DLG2: variants seen among roughly 807,000 people sequenced by gnomAD.
DLG2 encodes the protein discs large MAGUK scaffold protein 2.
DLG2 carries 45 observed loss-of-function variants against 132.5 expected under a neutral mutation model. That is an observed-to-expected ratio of 0.34 (90% CI 0.27 to 0.44). DLG2 has a LOEUF of 0.44. DLG2 is among the 20% of genes least tolerant of loss of function. The probability of loss-of-function intolerance (pLI) is 1.00; values close to 1 mark genes in which losing one functional copy is unlikely to be tolerated. For missense variants in DLG2, 1,045 were observed against 1,196.9 expected, an observed-to-expected ratio of 0.87 and a Z score of 1.87; for synonymous variants, 424 against 419.6, an observed-to-expected ratio of 1.01 and a Z score of -0.13.
At chr11:84,894,485 C>T (rs901737359) in intron 6 of DLG2, among the ~76,000 whole-genome samples, 1 of 152,062 alleles carries the variant, frequency 6.6e-6, no homozygotes, top group Admixed American at 6.6e-5. Context: ...ATACTCACCA[C>T]ATGTTTACAC....
chr11:83,552,149 G>T (rs983550353), intron 19 of DLG2, among the ~76,000 whole-genome samples: 4 of 152,166 alleles, frequency 2.6e-5, no homozygotes, highest in Non-Finnish European at 5.9e-5. Flanking sequence ...TAGGCAAATA[G>T]TATGATAGGT....
intron 16 of DLG2, among the ~76,000 whole-genome samples, chr11:83,857,896 C>A (rs1286347352): frequency 1.3e-5 from 2 of 151,384 alleles, no homozygotes; most frequent in African/African-American, 4.9e-5. Flanking sequence ...AATACAAGTT[C>A]TCTTTGCTCC....
At chr11:84,752,398 T>G (rs1192660817) in intron 6 of DLG2, among the ~76,000 whole-genome samples, 1 of 152,166 alleles carries the variant, frequency 6.6e-6, no homozygotes, top group Non-Finnish European at 1.5e-5. Flanking sequence ...ATATGTGCTG[T>G]GAAAATAACT....
chr11:83,752,932 C>A (rs2093394837), intron 18 of DLG2, among the ~76,000 whole-genome samples: 1 of 152,116 alleles, frequency 6.6e-6, no homozygotes, highest in South Asian at 2.1e-4. Flanking sequence ...AGAAAGGAAG[C>A]TCAGCAGCTG....
At chr11:84,608,031 C>A (rs1264008200) in intron 6 of DLG2, among the ~76,000 whole-genome samples, 1 of 152,154 alleles carries the variant, frequency 6.6e-6, no homozygotes, top group African/African-American at 2.4e-5. Context: ...TCAAGATAGG[C>A]TTGAGAAAAG....
chr11:85,357,721 TA>T (rs2083834299), intron 3 of DLG2, among the ~76,000 whole-genome samples: 1 of 1,726 alleles, frequency 5.8e-4, no homozygotes, highest in Non-Finnish European at 1.7e-3. Context: ...TATATATATA[TA>T]TATATATATA....
chr11:84,867,549 A>T (rs1600269307), intron 6 of DLG2, among the ~76,000 whole-genome samples: 1 of 152,202 alleles, frequency 6.6e-6, no homozygotes, highest in East Asian at 1.9e-4. Context: ...GCATTATTAG[A>T]ACAAAGAAGA....
At chr11:83,578,927 G>T (rs1403492453) in intron 19 of DLG2, among the ~76,000 whole-genome samples, 1 of 152,202 alleles carries the variant, frequency 6.6e-6, no homozygotes, top group African/African-American at 2.4e-5. Context: ...CACAGACAGT[G>T]AGTGATAGAA....
chr11:84,081,112 A>G (rs7114926), intron 10 of DLG2, among the ~76,000 whole-genome samples: 129,856 of 152,002 alleles, frequency 0.85, 55,933 homozygotes, highest in Middle Eastern at 0.95. Context: ...AGGAGAAGAC[A>G]GAAAATTATA....
intron 6 of DLG2, among the ~76,000 whole-genome samples, chr11:85,071,075 A>G (rs1049634246): frequency 6.6e-6 from 1 of 151,884 alleles, no homozygotes; most frequent in African/African-American, 2.4e-5. Flanking sequence ...TGTAAAATGG[A>G]CAATAGCGTT....
At chr11:84,744,315 C>T (rs1355943506) in intron 6 of DLG2, among the ~76,000 whole-genome samples, 2 of 152,166 alleles carry the variant, frequency 1.3e-5, no homozygotes, top group Non-Finnish European at 2.9e-5. Flanking sequence ...AACCTTTTAA[C>T]TCTTGCACAA....
intron 3 of DLG2, among the ~76,000 whole-genome samples, chr11:85,316,249 G>A (rs1596182864): frequency 6.6e-6 from 1 of 152,028 alleles, no homozygotes; most frequent in Non-Finnish European, 1.5e-5. Context: ...TATTCTCAAT[G>A]TCGCTAGTGT....
intron 6 of DLG2, among the ~76,000 whole-genome samples, chr11:84,776,943 A>T (rs752517323): frequency 3.9e-5 from 6 of 151,966 alleles, no homozygotes; most frequent in Non-Finnish European, 7.4e-5. Flanking sequence ...TTTTGTTATA[A>T]GCATAGATTG....
intron 16 of DLG2, among the ~76,000 whole-genome samples, chr11:83,845,863 AACAGTAAT>A (rs56133972): frequency 0.53 from 80,013 of 151,470 alleles, 22,153 homozygotes; most frequent in Middle Eastern, 0.64. Context: ...ATAAATTGTG[AACAGTAAT>A]ATCTATTTTC....
chr11:85,527,396 T>A (rs978057748), intron 3 of DLG2, among the ~76,000 whole-genome samples: 1 of 152,112 alleles, frequency 6.6e-6, no homozygotes, highest in Non-Finnish European at 1.5e-5. Flanking sequence ...CTTCCCTGTG[T>A]CCACATGTTG....
intron 7 of DLG2, among the ~76,000 whole-genome samples, chr11:84,418,552 G>C (rs1343539646): frequency 1.3e-5 from 2 of 152,182 alleles, no homozygotes; most frequent in African/African-American, 4.8e-5. Flanking sequence ...TCCTGGTGGA[G>C]TCCATGCTTT....
At chr11:84,571,833 A>G (rs1426916651) in intron 6 of DLG2, among the ~76,000 whole-genome samples, 2 of 152,122 alleles carry the variant, frequency 1.3e-5, no homozygotes, top group African/African-American at 4.8e-5. Context: ...GACATGGCAA[A>G]CCACAGCTGA....
At chr11:83,492,501 A>G (rs1310998656) in intron 21 of DLG2, among the ~76,000 whole-genome samples, 1 of 151,868 alleles carries the variant, frequency 6.6e-6, no homozygotes, top group Non-Finnish European at 1.5e-5. Context: ...TATCCAATTA[A>G]TTGCCTACTC....
chr11:85,520,173 C>T (rs1021470769), intron 3 of DLG2, among the ~76,000 whole-genome samples: 2 of 152,034 alleles, frequency 1.3e-5, no homozygotes, highest in Non-Finnish European at 2.9e-5. Flanking sequence ...AGCCACTCCA[C>T]CCAGCCAGTA....
Sources: gnomAD v4.1 joint callset for allele counts (sites outside exome capture counted in the v4.1 genomes callset) on GRCh38, gnomAD v4.1.1 for gene constraint, MANE v1.5 for transcripts, NCBI Gene and HGNC (gene_info 2026-07-23, HGNC 2026-07-21) for gene names.